Variants in SLC22A25 observed in about 807,000 individuals in gnomAD.
The protein encoded by SLC22A25 is solute carrier family 22 member 25, also known as MGI:2442751, MGI:2385316, MGI:3042283, MGI:3645714, MGI:3605624, MGI:2442750.
A neutral mutation model predicts 45.9 loss-of-function variants in SLC22A25; 44 were observed. The observed-to-expected ratio is 0.96, with a 90% CI of 0.75 to 1.23. The LOEUF is 1.23. Among genes scored for constraint, SLC22A25 ranks in the 50% most tolerant of loss-of-function variants. The pLI, the probability that SLC22A25 is intolerant of heterozygous loss-of-function variation, is 0.00. For synonymous variants in SLC22A25, 283 were observed against 238.6 expected (o/e 1.19, Z -1.72); for missense variants, 800 against 666.4 (o/e 1.20, Z -2.21).
Position 63,183,738 on chromosome 11 carries a change from G to T in SLC22A25, c.910C>A (p.His304Asn). The T allele has an allele frequency of 6.2e-7, 1 of 1,613,082 alleles. No homozygotes were observed. Among genetic ancestry groups the T allele is most frequent in the Non-Finnish European group, 8.5e-7 (1 of 1,179,374 alleles). Residue 304 changes from histidine (H) to asparagine (N), a missense_variant, in exon 8 of 12, where the codon CAC (histidine) becomes AAC (asparagine). Physicochemically the swap from His to Asn is moderately conservative, Grantham distance 68. Transcript: ENST00000306494. ...TCAGCATTCTTCATTCCATTCCTGT[G>T]TGCAGCTTTTCTAAGTTCCTTTAAG... ...EGLKELRKAA[H>N]RNGMKNAEDI...
intron 7 of SLC22A25, among the ~76,000 whole-genome samples, chr11:63,185,196 T>C (rs2088480851): frequency 1.3e-5 from 2 of 152,198 alleles, no homozygotes; most frequent in Admixed American, 6.6e-5. Context: ...TGCAGGTTAG[T>C]TGCATATGTA....
Position 63,219,951 on chromosome 11 carries a change from G to A in SLC22A25, c.507-2216C>T, listed in dbSNP as rs1449442796. The A allele has an allele frequency of 3.1e-6, 4 of 1,289,174 alleles. No homozygotes were observed. In the African/African-American group the frequency reaches 4.6e-5, roughly 15 times the overall value. 79.9% of individuals were successfully genotyped at this position (1,289,174 alleles called of 1,614,324 possible). A position where few individuals can be genotyped will look rare whatever the true frequency, so the allele number is the denominator to read the frequency against. ...AGATACCAGAAGACGTGATGCTGGT[G>A]GATGGCAATGGGCACCTCAAGTCCC... is the stretch of plus-strand genomic sequence containing the variant. On this transcript the variant is annotated intron_variant, in intron 5 of 11. Transcript: ENST00000306494.
chr11:63,179,276 A>C (rs2088232664), intron 9 of SLC22A25, among the ~76,000 whole-genome samples: 1 of 151,816 alleles, frequency 6.6e-6, no homozygotes, highest in Non-Finnish European at 1.5e-5. Context: ...CCATTTCTTT[A>C]TGATCAGTTT....
chr11:63,173,397 G>A (rs1359920549), intron 9 of SLC22A25, among the ~76,000 whole-genome samples: 2 of 152,012 alleles, frequency 1.3e-5, no homozygotes, highest in African/African-American at 2.4e-5. Flanking sequence ...TAAAAAAGAG[G>A]CAGTCAATAA....
chr11:63,166,424 T>C lies in SLC22A25; in HGVS notation c.1071-166A>G, dbSNP rs114371956. Reference sequence around the variant, plus strand: ...TTGATATTTTAAAGTTATCATAAAATAATGGTTAGATGATAGTGGTAACAA... The same window carrying C: ...TTGATATTTTAAAGTTATCATAAAACAATGGTTAGATGATAGTGGTAACAA... On this transcript the variant is annotated intron_variant, in intron 9 of 11. Transcript: ENST00000306494. 551 of 1,435,754 alleles carry C rather than the reference T, an allele frequency of 3.8e-4. 1 individual carries two copies. In the African/African-American group the frequency reaches 6.8e-3, roughly 18 times the overall value. 88.9% of individuals were successfully genotyped at this position (1,435,754 alleles called of 1,614,324 possible). A position where few individuals can be genotyped will look rare whatever the true frequency, so the allele number is the denominator to read the frequency against.
intron 3 of SLC22A25, among the ~76,000 whole-genome samples, chr11:63,235,752 T>G (rs1565129741): frequency 6.6e-6 from 1 of 152,178 alleles, no homozygotes; most frequent in Admixed American, 6.5e-5. Context: ...TTCTGCTCTG[T>G]TTTTTCCCCA....
chr11:63,210,362 T>C (rs2089524207), intron 7 of SLC22A25, among the ~76,000 whole-genome samples: 3 of 152,146 alleles, frequency 2.0e-5, no homozygotes, highest in African/African-American at 7.2e-5. Flanking sequence ...TAACCCTGGA[T>C]TTGCTAGAGG....
intron 5 of SLC22A25, among the ~76,000 whole-genome samples, chr11:63,226,720 T>C (rs1024240295): frequency 6.6e-6 from 1 of 152,196 alleles, no homozygotes; most frequent in South Asian, 2.1e-4. Context: ...CTTGTGTCCT[T>C]CCTTTCAGGG....
At chr11:63,214,739 C>T (rs1182695092) in intron 7 of SLC22A25, among the ~76,000 whole-genome samples, 1 of 151,952 alleles carries the variant, frequency 6.6e-6, no homozygotes, top group Non-Finnish European at 1.5e-5. Flanking sequence ...AGATCTCCCC[C>T]CACCCCACGA....
chr11:63,197,806 A>G (rs1303239126), intron 7 of SLC22A25, among the ~76,000 whole-genome samples: 1 of 150,034 alleles, frequency 6.7e-6, no homozygotes, highest in Admixed American at 6.6e-5. Flanking sequence ...AATGGGAGAA[A>G]ATTTTGGCAA....
intron 7 of SLC22A25, among the ~76,000 whole-genome samples, chr11:63,209,031 T>C (rs12417508): frequency 0.36 from 55,363 of 151,984 alleles, 10,418 homozygotes; most frequent in East Asian, 0.57. Context: ...TGAAACTGGA[T>C]GCTCAAAAAT....
intron 1 of SLC22A25, among the ~76,000 whole-genome samples, chr11:63,241,474 A>T (rs2090247299): frequency 6.6e-6 from 1 of 151,848 alleles, no homozygotes; most frequent in South Asian, 2.1e-4. Context: ...TCTTTCCCAG[A>T]CCTCTTTCCT....
chr11:63,190,666 A>T (rs895423737), intron 7 of SLC22A25, among the ~76,000 whole-genome samples: 5 of 148,142 alleles, frequency 3.4e-5, no homozygotes, highest in African/African-American at 5.0e-5. Context: ...TTTTTTCCCC[A>T]TCTCTGTGGT....
chr11:63,187,018 G>A (rs2088581105), intron 7 of SLC22A25, among the ~76,000 whole-genome samples: 1 of 152,064 alleles, frequency 6.6e-6, no homozygotes, highest in South Asian at 2.1e-4. Context: ...GGATTGACTT[G>A]GCAATGTGGG....
At chr11:63,223,693 G>A (rs896786596) in intron 5 of SLC22A25, among the ~76,000 whole-genome samples, 4 of 151,520 alleles carry the variant, frequency 2.6e-5, no homozygotes, top group African/African-American at 7.3e-5. Context: ...AGTTCTTTAA[G>A]ATGCATCATT....
At position 63,186,555 on chromosome 11, in the gene SLC22A25, T is replaced by C. The variant is rs1332685052; in HGVS notation, c.831-2738A>G. ...CAGAAGCTCTTTAGTTTAATTAGAT[T>C]CCATTTGTCAATTTTGGCTTTTGTT... is the stretch of plus-strand genomic sequence containing the variant. On this transcript the variant is annotated intron_variant, in intron 7 of 11. Coordinates refer to ENST00000306494, the MANE Select transcript of SLC22A25 (RefSeq NM_199352.6). 4.7e-4 allele frequency among the ~76,000 whole-genome samples: 72 copies of C among 152,048 alleles called. 1 individual carries two copies. The highest frequency in any genetic ancestry group is 2.9e-3 in the East Asian group (15 of 5,168).
At chr11:63,195,954 A>G (rs565605128) in intron 7 of SLC22A25, among the ~76,000 whole-genome samples, 32 of 152,224 alleles carry the variant, frequency 2.1e-4, no homozygotes, top group Non-Finnish European at 3.8e-4. Context: ...ACAAACTACC[A>G]TCAGATAATA....
At chr11:63,239,640 A>G (rs1230278950) in intron 1 of SLC22A25, among the ~76,000 whole-genome samples, 10 of 152,338 alleles carry the variant, frequency 6.6e-5, no homozygotes, top group African/African-American at 2.4e-4. Flanking sequence ...CAATTTAAAC[A>G]TGGTACAGTC....
At chr11:63,212,028 A>C (rs1220239835) in intron 7 of SLC22A25, among the ~76,000 whole-genome samples, 1 of 152,236 alleles carries the variant, frequency 6.6e-6, no homozygotes, top group Non-Finnish European at 1.5e-5. Flanking sequence ...GACACTTCTC[A>C]AAAGAAGACA....
Sources: gnomAD v4.1 joint callset for allele counts (sites outside exome capture counted in the v4.1 genomes callset) on GRCh38, gnomAD v4.1.1 for gene constraint, MANE v1.5 for transcripts, NCBI Gene and HGNC (gene_info 2026-07-23, HGNC 2026-07-21) for gene names.